The following MTREX variants were observed in gnomAD, a reference collection of about 807,000 sequenced individuals.
MTREX encodes exosome RNA helicase MTR4.
MTREX carries 76 observed loss-of-function variants against 135.4 expected under a neutral mutation model. That is an observed-to-expected ratio of 0.56 (90% CI 0.47 to 0.68). The LOEUF is 0.68. Ranked by LOEUF, MTREX falls within the 30% of genes least tolerant of loss-of-function variation. MTREX has a pLI of 0.00. For synonymous variants in MTREX, 404 were observed against 401.6 expected (o/e 1.01, Z -0.07); for missense variants, 920 against 1,262.1 (o/e 0.73, Z 4.11).
At chr5:55,372,273 C>A (rs1315945872) in intron 16 of MTREX, among the ~76,000 whole-genome samples, 1 of 151,976 alleles carries the variant, frequency 6.6e-6, no homozygotes, top group African/African-American at 2.4e-5. Flanking sequence ...TCTTTAATGA[C>A]TGAAATACAG....
chr5:55,395,336 G>C (rs886140511), intron 19 of MTREX, among the ~76,000 whole-genome samples: 1 of 152,062 alleles, frequency 6.6e-6, no homozygotes, highest in Middle Eastern at 3.4e-3. Flanking sequence ...AACCCGGGAG[G>C]TAGAGATTTC....
intron 16 of MTREX, among the ~76,000 whole-genome samples, chr5:55,367,439 T>C (rs1162663202): frequency 6.6e-6 from 1 of 151,170 alleles, no homozygotes; most frequent in African/African-American, 2.4e-5. Flanking sequence ...TGAGCCAAGA[T>C]TGCACCACTG....
intron 10 of MTREX, among the ~76,000 whole-genome samples, chr5:55,345,510 C>T (rs2112063071): frequency 6.6e-6 from 1 of 152,116 alleles, no homozygotes; most frequent in African/African-American, 2.4e-5. Context: ...AGTTATTCTC[C>T]CTTTTCCCCC....
chr5:55,388,271 T>C (rs1193894057), intron 19 of MTREX, among the ~76,000 whole-genome samples, 169 bp downstream of exon 19: 1 of 152,186 alleles, frequency 6.6e-6, no homozygotes, highest in Non-Finnish European at 1.5e-5. Context: ...ATCAGTAGGA[T>C]AATTAATGAG....
chr5:55,362,267 C>T (rs963742259), intron 15 of MTREX, among the ~76,000 whole-genome samples: 1 of 151,718 alleles, frequency 6.6e-6, no homozygotes, highest in Non-Finnish European at 1.5e-5. Flanking sequence ...ATAGAGAAAC[C>T]TTTTCAACTT....
At chr5:55,318,546 G>A (rs572974933) in intron 1 of MTREX, among the ~76,000 whole-genome samples, 7 of 152,244 alleles carry the variant, frequency 4.6e-5, no homozygotes, top group South Asian at 2.1e-4. Flanking sequence ...GCATGTTCTC[G>A]CTTATAAATG....
In MTREX at chr5:55,327,767, A is replaced by G. The variant is rs1435223322; in HGVS notation, c.391A>G (p.Lys131Glu). 1.2e-6 allele frequency: 2 copies of G among 1,612,402 alleles called. No homozygotes were observed. Among genetic ancestry groups the G allele is most frequent in the African/African-American group, 2.7e-5 (2 of 74,890 alleles). ...DYLPLKPRVG[K>E]AAKEYPFILD... is the part of the protein sequence containing the mutation. Reference sequence around the variant, plus strand: ...TTTACCACTTAAACCACGAGTTGGAAAAGCTGCTAAGGTCTGTACTTTGGG... The same window carrying G: ...TTTACCACTTAAACCACGAGTTGGAGAAGCTGCTAAGGTCTGTACTTTGGG... The change falls in exon 4 of 27, where the codon AAA becomes GAA. Residue 131 changes from lysine (K) to glutamate (E), a missense_variant. Physicochemically the swap from Lys to Glu is moderately conservative, Grantham distance 56 (BLOSUM62 1). Coordinates refer to ENST00000230640, the MANE Select transcript of MTREX (RefSeq NM_015360.5).
chr5:55,313,042 A>G (rs1412301974), intron 1 of MTREX, among the ~76,000 whole-genome samples: 2 of 152,166 alleles, frequency 1.3e-5, no homozygotes, highest in Non-Finnish European at 2.9e-5. Flanking sequence ...TTTTATAAAA[A>G]ATAGAATTCA....
chr5:55,419,149 C>G (rs781574302), intron 25 of MTREX, among the ~76,000 whole-genome samples: 15 of 152,160 alleles, frequency 9.9e-5, no homozygotes, highest in Non-Finnish European at 2.1e-4. Flanking sequence ...CTGGCCTACA[C>G]ATGTTTTATG....
Position 55,369,915 on chromosome 5 carries a change from C to CT in MTREX, c.1810+3053dup, listed in dbSNP as rs60011222. 9.8e-4 allele frequency among the ~76,000 whole-genome samples: 138 copies of CT among 141,412 alleles called. 1 individual carries two copies. Among genetic ancestry groups the CT allele is most frequent in the Middle Eastern group, 7.2e-3 (2 of 278 alleles). The allele number at this position is 141,412 out of a possible 152,430, so 92.8% of individuals were successfully genotyped here. Reference sequence around the variant, plus strand: ...TTCATCCCTTTTTCTTTTCTTTTTTCTTTTTTTTTTTTTCTTTTTTTGAGA... The same window carrying CT: ...TTCATCCCTTTTTCTTTTCTTTTTTCTTTTTTTTTTTTTTCTTTTTTTGAGA... On this transcript the variant is annotated intron_variant, in intron 16 of 26. Coordinates refer to ENST00000230640, the MANE Select transcript of MTREX (RefSeq NM_015360.5).
intron 1 of MTREX, among the ~76,000 whole-genome samples, chr5:55,315,347 G>A (rs1050331765): frequency 6.6e-6 from 1 of 151,982 alleles, no homozygotes; most frequent in Admixed American, 6.6e-5. Flanking sequence ...ATAAAGTCAC[G>A]TTTGTCGTTC....
intron 1 of MTREX, among the ~76,000 whole-genome samples, chr5:55,314,567 G>A (rs1749167486): frequency 6.6e-6 from 1 of 152,334 alleles, no homozygotes; most frequent in Non-Finnish European, 1.5e-5. Flanking sequence ...CTCTAGAAGT[G>A]GAAGTGGCAA....
At chr5:55,362,248 A>T (rs1202373095) in intron 15 of MTREX, among the ~76,000 whole-genome samples, 1 of 151,264 alleles carries the variant, frequency 6.6e-6, no homozygotes, top group East Asian at 2.0e-4. Context: ...GCGAATTTTT[A>T]AAGGAGCAAT....
At position 55,336,456 on chromosome 5, in the gene MTREX, T is replaced by G. The variant is rs144574474; in HGVS notation, c.516-3554T>G. On this transcript the variant is annotated intron_variant, in intron 5 of 26. Transcript: ENST00000230640. ...GAATTTTTATCAAGATATGTTGTATTTTGTGAAATGATTTTTCCATCTATT... is the reference window on the plus strand; with the variant it reads ...GAATTTTTATCAAGATATGTTGTATGTTGTGAAATGATTTTTCCATCTATT... 4.1e-4 allele frequency among the ~76,000 whole-genome samples: 63 copies of G among 152,334 alleles called. 2 individuals are homozygous for G. The East Asian group carries it at 0.012, about 29-fold the overall frequency.
intron 21 of MTREX, among the ~76,000 whole-genome samples, chr5:55,403,067 AGCAT>A (rs1437716475): frequency 4.0e-5 from 6 of 151,864 alleles, no homozygotes; most frequent in Non-Finnish European, 8.8e-5. Context: ...CAGGCATGGT[AGCAT>A]GCACCTGTCA....
rs776338321 is a variant in MTREX, at chr5:55,422,957, T to C, written c.3051T>C (p.Thr1017=). 1.1e-5 allele frequency: 18 copies of C among 1,613,856 alleles called. No individual in the cohort carries two copies. The highest frequency in any genetic ancestry group is 1.5e-5 in the Non-Finnish European group (18 of 1,179,914). Residue 1017 remains threonine, a synonymous_variant, in exon 26 of 27, where the codon ACT becomes ACC. Transcript: ENST00000230640. ...AAGCAGCAAAAGCCATTGGAAACAC[T>C]GAGCTGGAAAATAAATTTGCAGAAG... The part of the protein sequence containing the change: ...MCQAAKAIGN[T]ELENKFAEGI...
chr5:55,362,808 A>G (rs1305138686), intron 15 of MTREX, among the ~76,000 whole-genome samples: 1 of 152,218 alleles, frequency 6.6e-6, no homozygotes, highest in Non-Finnish European at 1.5e-5. Flanking sequence ...TGGTGAATGC[A>G]TCTTTTATTT....
chr5:55,401,784 G>T (rs1300404986), intron 21 of MTREX, among the ~76,000 whole-genome samples: 2 of 152,090 alleles, frequency 1.3e-5, no homozygotes, highest in Non-Finnish European at 2.9e-5. Flanking sequence ...AGCAAATTTA[G>T]AAAAAGCTTT....
chr5:55,345,852 G>GA (rs1165518399), intron 10 of MTREX, among the ~76,000 whole-genome samples: 1 of 151,854 alleles, frequency 6.6e-6, no homozygotes. Flanking sequence ...ATTTTTAGTA[G>GA]AGACGGGGTT....
Sources: allele counts gnomAD v4.1 joint callset (sites outside exome capture counted in the v4.1 genomes callset), GRCh38; gene constraint gnomAD v4.1.1; transcripts MANE v1.5; gene names NCBI Gene and HGNC (gene_info 2026-07-23, HGNC 2026-07-21).